Variants in MSN observed in about 807,000 individuals in gnomAD.
The protein encoded by MSN is moesin.
Under a neutral mutation model 48.0 loss-of-function variants are expected in MSN, and 2 were observed. The observed-to-expected ratio is 0.04, with a 90% CI of 0.02 to 0.13. The LOEUF is 0.13. Ranked by LOEUF, MSN falls within the 10% of genes least tolerant of loss-of-function variation. The probability of loss-of-function intolerance (pLI) is 1.00; values close to 1 mark genes in which losing one functional copy is unlikely to be tolerated. For missense variants in MSN, 267 were observed against 470.1 expected (o/e 0.57, Z 3.99); for synonymous variants, 146 against 166.9 (o/e 0.87, Z 0.97).
intron 1 of MSN, among the ~76,000 whole-genome samples, chrX:65,660,390 G>A (rs910689017): frequency 9.0e-6 from 1 of 111,709 alleles, no homozygotes; most frequent in Non-Finnish European, 1.9e-5. Context: ...TTTGGGCAGA[G>A]ATTATGTGGT....
rs145974854 is a variant in MSN, at chrX:65,689,220, C to G, written c.12+21367C>G. Reference sequence around the variant, plus strand: ...CTGAGGGCTATTTCCTGCTCTGAAACTCTGATTTATTCAGAAATGTTATAC... The same window carrying G: ...CTGAGGGCTATTTCCTGCTCTGAAAGTCTGATTTATTCAGAAATGTTATAC... On this transcript the variant is annotated intron_variant, in intron 1 of 12. Transcript: ENST00000360270. 7.8e-3 allele frequency among the ~76,000 whole-genome samples: 872 copies of G among 111,645 alleles called. 10 individuals carry two copies. The highest frequency in any genetic ancestry group is 0.026 in the African/African-American group (803 of 30,667).
chrX:65,734,834 C>T (rs1173193968), intron 7 of MSN, among the ~76,000 whole-genome samples: 1 of 111,500 alleles, frequency 9.0e-6, no homozygotes, highest in East Asian at 2.8e-4. Context: ...TAGAAACAGT[C>T]CAGCCACCCA....
intron 1 of MSN, among the ~76,000 whole-genome samples, chrX:65,692,127 C>G (rs1306152670): frequency 8.9e-6 from 1 of 112,498 alleles, no homozygotes; most frequent in Non-Finnish European, 1.9e-5. Context: ...CACACATGTT[C>G]CTTTGCTTCT....
At chrX:65,664,325 G>C (rs1294909055), upstream of MSN, among the ~76,000 whole-genome samples, 1 of 111,318 alleles carries the variant, frequency 9.0e-6, no homozygotes, top group East Asian at 2.8e-4. Context: ...TACTAGAGGT[G>C]GGAGGGAAGA....
chrX:65,640,835 G>T (rs553488727), intron 1 of MSN, among the ~76,000 whole-genome samples: 1 of 111,698 alleles, frequency 9.0e-6, no homozygotes, highest in African/African-American at 3.3e-5. Context: ...AGAGCCAGGC[G>T]CAGTGGCTCA....
chrX:65,726,494 T>C (rs889951238), intron 2 of MSN, among the ~76,000 whole-genome samples: 3 of 111,333 alleles, frequency 2.7e-5, no homozygotes, highest in Non-Finnish European at 5.7e-5. Flanking sequence ...ACTTTTTTCT[T>C]TGGGGTCTCT....
intron 1 of MSN, among the ~76,000 whole-genome samples, chrX:65,601,893 C>T (rs2070239247): frequency 8.9e-6 from 1 of 111,858 alleles, no homozygotes; most frequent in African/African-American, 3.3e-5. Flanking sequence ...AAAGGAGGCC[C>T]AAGAAGAAAG....
chrX:65,632,179 AT>A (rs1393157775), intron 1 of MSN, among the ~76,000 whole-genome samples: 3 of 111,900 alleles, frequency 2.7e-5, no homozygotes, highest in Non-Finnish European at 5.6e-5. Flanking sequence ...CTAATAATAG[AT>A]TGTTAAGCCA....
intron 1 of MSN, among the ~76,000 whole-genome samples, chrX:65,710,719 C>CT (rs922097097): frequency 1.3e-4 from 14 of 106,386 alleles, no homozygotes; most frequent in African/African-American, 2.7e-4. Flanking sequence ...ATCTAATGTA[C>CT]TTTTTTTTTT....
At position 65,738,573 on chromosome X, in the gene MSN, G is replaced by A. The variant is rs1412508043; in HGVS notation, c.1300G>A (p.Ala434Thr). The A allele has an allele frequency of 8.3e-7, 1 of 1,207,941 alleles. No individual in the cohort carries two copies. The highest frequency in any genetic ancestry group is 1.8e-5 in the African/African-American group (1 of 57,130). The stretch of plus-strand genomic sequence containing the variant: ...AGCTCGAATCTCCCAGCTGGAGATG[G>A]CCCGACAGAAGAAGGAGAGTGAGGC... ...LTARISQLEM[A>T]RQKKESEAVE... is the part of the protein sequence containing the mutation. Residue 434 changes from alanine to threonine, a missense_variant, in exon 11 of 13, where the codon GCC (alanine) becomes ACC (threonine). Transcript: ENST00000360270.
intron 1 of MSN, among the ~76,000 whole-genome samples, chrX:65,630,014 A>G (rs1378276629): frequency 1.8e-5 from 2 of 110,755 alleles, no homozygotes; most frequent in African/African-American, 6.6e-5. Context: ...CTCTGTCTCT[A>G]CAAAAAATAC....
At chrX:65,621,016 C>T (rs1400945723) in intron 1 of MSN, among the ~76,000 whole-genome samples, 1 of 107,315 alleles carries the variant, frequency 9.3e-6, no homozygotes, top group East Asian at 2.9e-4. Context: ...ACCTCCACCT[C>T]CCAGGTTCAA....
chrX:65,721,174 C>CT (rs1414571402), intron 2 of MSN, among the ~76,000 whole-genome samples: 1 of 112,009 alleles, frequency 8.9e-6, no homozygotes, highest in Non-Finnish European at 1.9e-5. Flanking sequence ...ATGCAACTCT[C>CT]TACCCACAAA....
At chrX:65,643,655 C>G (rs6418386) in intron 1 of MSN, among the ~76,000 whole-genome samples, 24,107 of 110,900 alleles carry the variant, frequency 0.22, 2,539 homozygotes, top group Non-Finnish European at 0.32. Flanking sequence ...TAATGTGCAG[C>G]CAGGGCTATG....
chrX:65,588,550 C>T (rs904011783), exon 1 of MSN: 122 of 805,628 alleles, frequency 1.5e-4, no homozygotes, highest in African/African-American at 5.2e-4. Flanking sequence ...CCTCCAGCCC[C>T]GCCGCTCAAC....
intron 1 of MSN, among the ~76,000 whole-genome samples, chrX:65,613,390 C>A (rs1217076983): frequency 1.7e-4 from 20 of 114,857 alleles, no homozygotes; most frequent in African/African-American, 6.3e-4. Context: ...GGAATATACC[C>A]AGTAATGGAT....
chrX:65,616,038 G>A (rs2070368186), intron 1 of MSN, among the ~76,000 whole-genome samples: 1 of 111,001 alleles, frequency 9.0e-6, no homozygotes, highest in African/African-American at 3.3e-5. Context: ...TTATTTCTGA[G>A]GGCTGTGTTC....
Position 65,661,625 on chromosome X carries a change from C to T in MSN, c.-21-55193C>T, listed in dbSNP as rs746834055. On this transcript the variant is annotated intron_variant, in intron 1 of 3. Coordinates refer to the MSN transcript ENST00000609672. ...TGGTATTAGGCTGATGCTGGCTTCA[C>T]AGAATTAGTTAGCGAGGAGCCCCAC... Among the ~76,000 whole-genome samples, 11 of 112,117 alleles carry T rather than the reference C, an allele frequency of 9.8e-5. No individual in the cohort carries two copies. In the South Asian group the frequency reaches 4.1e-3, roughly 42 times the overall value.
intron 1 of MSN, among the ~76,000 whole-genome samples, chrX:65,648,289 A>AC (rs2148373250): frequency 8.9e-6 from 1 of 112,436 alleles, no homozygotes; most frequent in South Asian, 3.7e-4. Context: ...GCGGTGGCTC[A>AC]CGCCTGTAAT....
Sources: gnomAD v4.1 joint callset for allele counts (sites outside exome capture counted in the v4.1 genomes callset) on GRCh38, gnomAD v4.1.1 for gene constraint, MANE v1.5 for transcripts, NCBI Gene and HGNC (gene_info 2026-07-23, HGNC 2026-07-21) for gene names.